The following NLGN4Y variants were observed in gnomAD, a reference collection of about 807,000 sequenced individuals.
NLGN4Y encodes neuroligin-4, Y-linked.
In NLGN4Y, 4 loss-of-function variants were observed where a neutral mutation model predicts 8.4. That is an observed-to-expected ratio of 0.48 (90% CI 0.23 to 1.09). The LOEUF is 1.09. Ranked by LOEUF, NLGN4Y falls within the 50% of genes least tolerant of loss-of-function variation. NLGN4Y has a pLI of 0.19. For synonymous variants in NLGN4Y, 35 were observed against 75.6 expected (o/e 0.46, Z 2.78); for missense variants, 90 against 192.3 (o/e 0.47, Z 3.15).
At chrY:14,658,763 T>G in intron 2 of NLGN4Y, among the ~76,000 whole-genome samples, 3 of 33,329 alleles carry the variant, frequency 9.0e-5, no homozygotes, top group Admixed American at 8.1e-4. Flanking sequence ...CAGGGTGTTC[T>G]TGAACTCCTG....
At chrY:14,815,803 T>G in intron 4 of NLGN4Y, among the ~76,000 whole-genome samples, 1 of 33,829 alleles carries the variant, frequency 3.0e-5, no homozygotes, top group African/African-American at 1.2e-4. Flanking sequence ...TTTAACCACT[T>G]CCTGAGCATT....
At chrY:14,758,484 G>A (rs1299346724) in intron 4 of NLGN4Y, among the ~76,000 whole-genome samples, 3 of 33,587 alleles carry the variant, frequency 8.9e-5, no homozygotes, top group South Asian at 6.6e-4. Flanking sequence ...GAGTGACTAC[G>A]GTTTGAGAAT....
At chrY:14,576,503 CTAGGA>C (rs2080299791) in intron 1 of NLGN4Y, among the ~76,000 whole-genome samples, 1 of 33,188 alleles carries the variant, frequency 3.0e-5, no homozygotes, top group African/African-American at 1.2e-4. Flanking sequence ...CTTTCTTTGA[CTAGGA>C]AAGGGAGTTC....
At chrY:14,547,501 G>GT (rs2080176889) in intron 1 of NLGN4Y, among the ~76,000 whole-genome samples, 1 of 33,851 alleles carries the variant, frequency 3.0e-5, no homozygotes, top group African/African-American at 1.2e-4. Context: ...TCCAAAGGAG[G>GT]TAGCTTAGGA....
At position 14,804,433 on chromosome Y, in the gene NLGN4Y, T is replaced by TAAAGAA. The variant is rs2043049329; in HGVS notation, c.686-19754_686-19753insAAGAAA. On this transcript the variant is annotated intron_variant, in intron 4 of 6. Coordinates refer to ENST00000684976, the MANE Select transcript of NLGN4Y (RefSeq NM_001365588.1). Reference sequence around the variant, plus strand: ...CAGAGAGGCTTTGTTTAGAAGAAAATATAGGAGCAAATCTTTGCCAGCTAG... The same window carrying TAAAGAA: ...CAGAGAGGCTTTGTTTAGAAGAAAATAAAGAAATAGGAGCAAATCTTTGCCAGCTAG... Among the ~76,000 whole-genome samples the TAAAGAA allele has an allele frequency of 4.2e-4, 14 of 33,198 alleles. No individual in the cohort carries two copies. The South Asian group carries it at 9.3e-3, about 22-fold the overall frequency. 89.1% of individuals were successfully genotyped at this position (33,198 alleles called of 37,273 possible).
intron 1 of NLGN4Y, among the ~76,000 whole-genome samples, chrY:14,605,212 A>G (rs751297415): frequency 9.5e-4 from 31 of 32,495 alleles, no homozygotes; most frequent in African/African-American, 3.7e-3. Flanking sequence ...GTTCATGAGT[A>G]TCCAATGTTT....
chrY:14,751,726 C>G, intron 4 of NLGN4Y: 1 of 28,835 alleles, frequency 3.5e-5, no homozygotes, highest in African/African-American at 1.4e-4. Context: ...GTGGCATGAT[C>G]TTGGCTCACT....
intron 4 of NLGN4Y, among the ~76,000 whole-genome samples, chrY:14,793,209 C>T: frequency 3.9e-4 from 13 of 33,396 alleles, no homozygotes; most frequent in Admixed American, 3.6e-3. Context: ...AAATATGTGT[C>T]GCTGTTAAAA....
intron 1 of NLGN4Y, among the ~76,000 whole-genome samples, chrY:14,616,524 T>C (rs2080489370): frequency 3.0e-5 from 1 of 33,009 alleles, no homozygotes; most frequent in African/African-American, 1.2e-4. Context: ...GTTCTTTTAA[T>C]TCTGATGTTA....
intron 1 of NLGN4Y, among the ~76,000 whole-genome samples, chrY:14,561,628 T>A (rs915905389): frequency 3.0e-5 from 1 of 33,461 alleles, no homozygotes; most frequent in South Asian, 6.7e-4. Flanking sequence ...CAGTTCTAGA[T>A]ACTTGAGGAA....
intron 2 of NLGN4Y, among the ~76,000 whole-genome samples, chrY:14,691,169 G>A: frequency 3.0e-5 from 1 of 32,968 alleles, no homozygotes; most frequent in African/African-American, 1.2e-4. Flanking sequence ...ATCACATTTA[G>A]CGCCTTTCTG....
intron 2 of NLGN4Y, among the ~76,000 whole-genome samples, chrY:14,673,729 C>T (rs2080733613): frequency 3.0e-5 from 1 of 33,211 alleles, no homozygotes; most frequent in African/African-American, 1.2e-4. Flanking sequence ...CACATGCACA[C>T]GTATGTTTAT....
In NLGN4Y at chrY:14,657,702, G is replaced by A. The variant is rs369191088; in HGVS notation, c.472+35111G>A. ...TTTGTGCAGCCCACGCTTAAGAAAT[G>A]GGGACCTGCTATTCCCCCCGGAGGG... On this transcript the variant is annotated intron_variant, in intron 2 of 6. Transcript: ENST00000684976. Among the ~76,000 whole-genome samples the A allele has an allele frequency of 8.9e-3, 130 of 14,658 alleles. No homozygotes were observed. In the East Asian group the frequency reaches 0.71, roughly 80 times the overall value. 39.3% of individuals were successfully genotyped at this position (14,658 alleles called of 37,273 possible).
intron 1 of NLGN4Y, among the ~76,000 whole-genome samples, chrY:14,544,352 A>T: frequency 3.0e-5 from 1 of 33,695 alleles, no homozygotes; most frequent in African/African-American, 1.2e-4. Flanking sequence ...TGCCTTCTCA[A>T]ACAAAGGTCT....
chrY:14,605,788 T>C (rs976844001), intron 1 of NLGN4Y, among the ~76,000 whole-genome samples: 6 of 33,946 alleles, frequency 1.8e-4, no homozygotes, highest in Admixed American at 1.6e-3. Context: ...ACTGCATAGA[T>C]GACTGCAAAG....
intron 4 of NLGN4Y, among the ~76,000 whole-genome samples, chrY:14,802,419 C>A (rs2043036281): frequency 3.2e-5 from 1 of 31,596 alleles, no homozygotes; most frequent in South Asian, 6.8e-4. Flanking sequence ...CTATTTTTAA[C>A]TCTTTCTGAA....
intron 2 of NLGN4Y, among the ~76,000 whole-genome samples, chrY:14,708,144 G>A (rs1035297349): frequency 6.1e-5 from 2 of 32,902 alleles, no homozygotes; most frequent in South Asian, 6.7e-4. Flanking sequence ...TATGTTAATC[G>A]AAATTATTTT....
chrY:14,592,766 G>A (rs755466550), intron 1 of NLGN4Y, among the ~76,000 whole-genome samples: 5 of 33,260 alleles, frequency 1.5e-4, no homozygotes, highest in Admixed American at 1.4e-3. Context: ...AGGTTTTGTT[G>A]ATATTTTGCC....
chrY:14,587,056 G>C (rs2080344100), intron 1 of NLGN4Y, among the ~76,000 whole-genome samples: 4 of 33,071 alleles, frequency 1.2e-4, no homozygotes, highest in Non-Finnish European at 3.0e-4. Context: ...TTTTGAAATG[G>C]AGTTATTTGT....
Sources: allele counts gnomAD v4.1 joint callset (sites outside exome capture counted in the v4.1 genomes callset), GRCh38; gene constraint gnomAD v4.1.1; transcripts MANE v1.5; gene names NCBI Gene and HGNC (gene_info 2026-07-23, HGNC 2026-07-21).